The following C1orf198 variants were observed in gnomAD, a reference collection of about 807,000 sequenced individuals.
The protein encoded by C1orf198 is uncharacterized protein C1orf198.
C1orf198 carries 17 observed loss-of-function variants against 31.4 expected under a neutral mutation model. The ratio of observed to expected loss-of-function variants is 0.54; its 90% CI spans 0.37 to 0.81. The LOEUF is 0.81. Ranked by LOEUF, C1orf198 falls within the 40% of genes least tolerant of loss-of-function variation. The probability of loss-of-function intolerance (pLI) is 0.00; values close to 1 mark genes in which losing one functional copy is unlikely to be tolerated. For synonymous variants in C1orf198, 175 were observed against 193.8 expected (o/e 0.90, Z 0.81); for missense variants, 401 against 450.3 (o/e 0.89, Z 0.99).
chr1:230,838,165 G>A lies in C1orf198; in HGVS notation c.*1687C>T, dbSNP rs1349684200. 1 of 152,262 alleles carries A rather than the reference G, an allele frequency of 6.6e-6. No individual in the cohort carries two copies. The highest frequency in any genetic ancestry group is 1.5e-5 in the Non-Finnish European group (1 of 68,062). 9.4% of individuals were successfully genotyped at this position (152,262 alleles called of 1,614,324 possible). On this transcript the variant is annotated 3_prime_UTR_variant, in exon 4 of 4. Coordinates refer to ENST00000366663, the MANE Select transcript of C1orf198 (RefSeq NM_032800.3). This position sits in a 1 kb window ranked among gnomAD's most constrained non-coding sequence, Gnocchi z 4.2. ...CTGAGGGGAGCTGGCGCTTGCCCAG[G>A]CTGTGCCAACTGGGATTTCTAAGCT... is the stretch of plus-strand genomic sequence containing the variant.
At chr1:230,844,205 T>G (rs1179264770) in intron 2 of C1orf198, among the ~76,000 whole-genome samples, 1 of 152,124 alleles carries the variant, frequency 6.6e-6, no homozygotes, top group Non-Finnish European at 1.5e-5. Flanking sequence ...GGGAGGTGTC[T>G]GGATCACAGG....
In C1orf198 at chr1:230,861,382, T is replaced by A. The variant is rs551528716; in HGVS notation, c.334-5664A>T. On this transcript the variant is annotated intron_variant, in intron 1 of 3. Transcript: ENST00000366663. The stretch of plus-strand genomic sequence containing the variant: ...CCTAAAACTACTGTAAAAACTGAAT[T>A]TTTTTAAAGTGTGCCCCCCCCAAAA... 9.2e-5 allele frequency among the ~76,000 whole-genome samples: 14 copies of A among 152,170 alleles called. No homozygotes were observed. In the South Asian group the frequency reaches 1.9e-3, roughly 20 times the overall value.
rs931057303 is a variant in C1orf198 at position 230,857,270 on chromosome 1, C to T, written c.334-1552G>A. ...GGCCAACCCTAGATGACAGGGGCAA[C>T]ACAGCAGGGCCTTTGTCCGCTTCTC... On this transcript the variant is annotated intron_variant, in intron 1 of 3. Coordinates refer to ENST00000366663, the MANE Select transcript of C1orf198 (RefSeq NM_032800.3). This position sits in a 1 kb window ranked among gnomAD's most constrained non-coding sequence, Gnocchi z 4.2. Among the ~76,000 whole-genome samples the T allele has an allele frequency of 4.4e-4, 67 of 152,334 alleles. No individual in the cohort carries two copies. Among genetic ancestry groups the T allele is most frequent in the African/African-American group, 1.5e-3 (62 of 41,584 alleles).
intron 1 of C1orf198, among the ~76,000 whole-genome samples, chr1:230,867,493 T>C (rs1670147137): frequency 1.3e-5 from 2 of 152,162 alleles, no homozygotes; most frequent in Non-Finnish European, 2.9e-5. Flanking sequence ...CATTTAAACT[T>C]ATCGTCCCTT....
At chr1:230,849,682 G>C (rs1464259453) in intron 2 of C1orf198, among the ~76,000 whole-genome samples, 3 of 152,256 alleles carry the variant, frequency 2.0e-5, no homozygotes, top group Non-Finnish European at 1.5e-5. Flanking sequence ...TAAAAGACGA[G>C]TGCAGGCTGC....
chr1:230,864,347 G>C (rs1202101768), intron 1 of C1orf198, among the ~76,000 whole-genome samples: 1 of 152,116 alleles, frequency 6.6e-6, no homozygotes, highest in Non-Finnish European at 1.5e-5. Flanking sequence ...GCTAAACATA[G>C]GTACCCATAG....
chr1:230,845,597 C>G (rs904159409), intron 2 of C1orf198, among the ~76,000 whole-genome samples: 3 of 151,210 alleles, frequency 2.0e-5, no homozygotes, highest in Non-Finnish European at 4.4e-5. Flanking sequence ...GCAGGAGAAT[C>G]GCTTGAACCC....
At chr1:230,852,729 A>G (rs1191900174) in intron 2 of C1orf198, among the ~76,000 whole-genome samples, 1 of 152,218 alleles carries the variant, frequency 6.6e-6, no homozygotes, top group African/African-American at 2.4e-5. Context: ...AAAAAAATCA[A>G]TGAGTGATTA....
chr1:230,858,338 G>A (rs994222482), intron 1 of C1orf198, among the ~76,000 whole-genome samples: 7 of 152,192 alleles, frequency 4.6e-5, no homozygotes, highest in African/African-American at 1.2e-4. Flanking sequence ...AGAGGCTGAT[G>A]GAATGTAAGT....
Position 230,863,663 on chromosome 1 carries a change from C to T in C1orf198, c.333+4517G>A, listed in dbSNP as rs376019797. On this transcript the variant is annotated intron_variant, in intron 1 of 3. Coordinates refer to ENST00000366663, the MANE Select transcript of C1orf198 (RefSeq NM_032800.3). ...AGGCCTAAGCTGCTGCCTGAGCTCC[C>T]AGGGCAGCAGGCCACGTGCTACTCA... 4.7e-4 allele frequency among the ~76,000 whole-genome samples: 72 copies of T among 152,326 alleles called. No homozygotes were observed. In the East Asian group the frequency reaches 0.013, roughly 27 times the overall value.
intron 2 of C1orf198, among the ~76,000 whole-genome samples, chr1:230,848,963 A>AG (rs1414753645): frequency 3.9e-5 from 6 of 152,168 alleles, no homozygotes; most frequent in Non-Finnish European, 8.8e-5. Flanking sequence ...CATTCTACCC[A>AG]GGGGGGACCT....
At chr1:230,864,137 C>A (rs1239435578) in intron 1 of C1orf198, among the ~76,000 whole-genome samples, 1 of 152,180 alleles carries the variant, frequency 6.6e-6, no homozygotes, top group Non-Finnish European at 1.5e-5. Flanking sequence ...GCGATTGATT[C>A]TACCAGCTGT....
intron 1 of C1orf198, among the ~76,000 whole-genome samples, chr1:230,865,351 G>A (rs778387152): frequency 1.2e-4 from 19 of 152,194 alleles, no homozygotes; most frequent in Non-Finnish European, 2.4e-4. Flanking sequence ...GGAAGGGGCC[G>A]GGGCCTAGGT....
chr1:230,864,724 T>A (rs1670078955), intron 1 of C1orf198, among the ~76,000 whole-genome samples: 1 of 152,130 alleles, frequency 6.6e-6, no homozygotes, highest in Non-Finnish European at 1.5e-5. Context: ...CCCCCAGTCA[T>A]CTGCTTAGGG....
chr1:230,855,564 A>G, intron 2 of C1orf198, 104 bp downstream of exon 2: 1 of 1,232,000 alleles, frequency 8.1e-7, no homozygotes, highest in Non-Finnish European at 1.1e-6. Flanking sequence ...GCAGCCTGGC[A>G]GTCAGGGGGC....
intron 3 of C1orf198, 61 bp from the exon 4 acceptor site, chr1:230,839,969 C>G: frequency 6.9e-7 from 1 of 1,442,508 alleles, no homozygotes; most frequent in Non-Finnish European, 9.5e-7. Flanking sequence ...TACGTATAAT[C>G]TAAAAACAGC....
At chr1:230,862,018 T>C (rs550132077) in intron 1 of C1orf198, among the ~76,000 whole-genome samples, 3 of 152,310 alleles carry the variant, frequency 2.0e-5, no homozygotes, top group East Asian at 3.9e-4. Flanking sequence ...GAGCAGAGCA[T>C]GTGAGCAGGA....
At position 230,837,634 on chromosome 1, in the gene C1orf198, C is replaced by G. The variant is rs1401503468; in HGVS notation, c.*2218G>C. The G allele has an allele frequency of 2.6e-5, 4 of 152,178 alleles. No individual in the cohort carries two copies. The highest frequency in any genetic ancestry group is 5.9e-5 in the Non-Finnish European group (4 of 68,032). The allele number at this position is 152,178 out of a possible 1,614,324, so 9.4% of individuals were successfully genotyped here. On this transcript the variant is annotated 3_prime_UTR_variant, in exon 4 of 4. Transcript: ENST00000366663. ...GCCCAAGGTGTAGAGGAAGATCTGC[C>G]GGTCAGGCAGGATGAAGACCCACAC...
intron 2 of C1orf198, among the ~76,000 whole-genome samples, chr1:230,852,293 A>G (rs1669767086): frequency 6.6e-6 from 1 of 152,172 alleles, no homozygotes; most frequent in Non-Finnish European, 1.5e-5. Context: ...GGCCTGCAGC[A>G]TAATGTCTGA....
Sources: gnomAD v4.1 joint callset for allele counts (sites outside exome capture counted in the v4.1 genomes callset) on GRCh38, gnomAD v4.1.1 for gene constraint, Gnocchi (gnomAD v3.1) non-coding constraint, MANE v1.5 for transcripts, NCBI Gene and HGNC (gene_info 2026-07-23, HGNC 2026-07-21) for gene names.